ZNF426: variants seen among roughly 807,000 people sequenced by gnomAD.
ZNF426 encodes the protein CTC-543D15.7.
ZNF426 carries 23 observed loss-of-function variants against 24.0 expected under a neutral mutation model. The ratio of observed to expected loss-of-function variants is 0.96; its 90% CI spans 0.69 to 1.36. The LOEUF (loss-of-function observed/expected upper bound fraction) is 1.36. Ranked by LOEUF, ZNF426 falls within the 40% of genes most tolerant of loss-of-function variation. ZNF426 has a pLI of 0.00. For missense variants in ZNF426, 646 were observed against 658.4 expected (o/e 0.98, Z 0.21); for synonymous variants, 272 against 224.6 (o/e 1.21, Z -1.89).
At chr19:9,537,055 G>A (rs1344928855) in intron 2 of ZNF426, among the ~76,000 whole-genome samples, 3 of 151,848 alleles carry the variant, frequency 2.0e-5, no homozygotes, top group Non-Finnish European at 2.9e-5. Flanking sequence ...GCTTGATCCT[G>A]GGAAATGGAA....
Position 9,526,661 on chromosome 19 carries a change from GAAA to G in ZNF426, c.*1716_*1718del, listed in dbSNP as rs201730911. 1 of 149,382 alleles carries G rather than the reference GAAA, an allele frequency of 6.7e-6. No individual in the cohort carries two copies. The highest frequency in any genetic ancestry group is 2.1e-4 in the South Asian group (1 of 4,730). The allele number at this position is 149,382 out of a possible 1,614,324, so 9.3% of individuals were successfully genotyped here. On this transcript the variant is annotated 3_prime_UTR_variant, in exon 8 of 8. Coordinates refer to ENST00000253115, the MANE Select transcript of ZNF426 (RefSeq NM_024106.3). ...ATATAAAGGAAATACCAGATGGAAA[GAAA>G]AAAAAAGGGAAACAATGACAGAATT...
intron 2 of ZNF426, chr19:9,536,615 T>G (rs2073969655): frequency 3.7e-6 from 1 of 269,714 alleles, no homozygotes; most frequent in South Asian, 4.3e-5. Flanking sequence ...AGTACAAGTT[T>G]TGCACACACA....
intron 6 of ZNF426, among the ~76,000 whole-genome samples, chr19:9,531,458 C>A (rs1240769857): frequency 6.6e-6 from 1 of 152,054 alleles, no homozygotes; most frequent in African/African-American, 2.4e-5. Context: ...CTATTTGTTT[C>A]AAATTAAACA....
At chr19:9,535,134 C>A in intron 4 of ZNF426, 54 bp downstream of exon 4, 2 of 1,262,918 alleles carry the variant, frequency 1.6e-6, no homozygotes, top group Non-Finnish European at 2.2e-6. Context: ...GGAAATGTGT[C>A]TACCTGGTGG....
In ZNF426 at chr19:9,528,383, G is replaced by C. The variant is rs2073822374; in HGVS notation, c.1662C>G (p.His554Gln). The change falls in exon 8 of 8, where the codon CAC becomes CAG. Residue 554 changes from histidine (H) to glutamine (Q), a missense_variant. By Grantham distance (24) the His-to-Gln change is conservative. Transcript: ENST00000253115. ...PRSLRRHEQI[H>Q] is the part of the protein sequence containing the mutation. The stretch of plus-strand genomic sequence containing the variant: ...TTATTACATGGACAGTTTCTCACTA[G>C]TGAATTTGTTCATGTCTTCGAAGTG... 6.4e-7 allele frequency: 1 copy of C among 1,570,406 alleles called. No individual in the cohort carries two copies. The highest frequency in any genetic ancestry group is 1.2e-5 in the South Asian group (1 of 83,242).
rs1339339135 is a variant in ZNF426, at chr19:9,524,704, C to T, written c.*3676G>A. 2 of 138,356 alleles carry T rather than the reference C, an allele frequency of 1.4e-5. No individual in the cohort carries two copies. The highest frequency in any genetic ancestry group is 2.3e-4 in the South Asian group (1 of 4,394). The allele number at this position is 138,356 out of a possible 1,614,324, so 8.6% of individuals were successfully genotyped here. ...GCTGAGGCAGAATAATCACTTGAAC[C>T]TGGGTGATAGAGGTTGTAGTGAGCC... On this transcript the variant is annotated 3_prime_UTR_variant, in exon 8 of 8. Coordinates refer to ENST00000253115, the MANE Select transcript of ZNF426 (RefSeq NM_024106.3).
At chr19:9,536,081 A>T in intron 3 of ZNF426, 127 bp downstream of exon 3, 1 of 1,166,686 alleles carries the variant, frequency 8.6e-7, no homozygotes, top group Non-Finnish European at 1.2e-6. Flanking sequence ...ACAAGACAGC[A>T]CGTTCTGGCA....
At chr19:9,530,594 T>G (rs1290535863) in intron 7 of ZNF426, among the ~76,000 whole-genome samples, 1 of 151,440 alleles carries the variant, frequency 6.6e-6, no homozygotes, top group Non-Finnish European at 1.5e-5. Flanking sequence ...AGACCCTGTC[T>G]CCACAAAATT....
At chr19:9,533,753 C>T (rs1181714604) in intron 5 of ZNF426, 87 bp downstream of exon 5, 2 of 1,554,312 alleles carry the variant, frequency 1.3e-6, no homozygotes, top group Non-Finnish European at 1.8e-6. Flanking sequence ...TCTTTGCATT[C>T]AGAGTTGACA....
At chr19:9,537,585 C>A (rs1168326154) in intron 2 of ZNF426, among the ~76,000 whole-genome samples, 1 of 151,330 alleles carries the variant, frequency 6.6e-6, no homozygotes, top group Non-Finnish European at 1.5e-5. Context: ...CCACTGTACC[C>A]AGCCAGCTTT....
intron 7 of ZNF426, among the ~76,000 whole-genome samples, chr19:9,530,141 A>AATC (rs2144768677): frequency 6.6e-6 from 1 of 152,098 alleles, no homozygotes; most frequent in South Asian, 2.1e-4. Flanking sequence ...TAATAATAAT[A>AATC]ATAACAGATT....
At position 9,526,214 on chromosome 19, in the gene ZNF426, G is replaced by C. The variant is rs1351341353; in HGVS notation, c.*2166C>G. On this transcript the variant is annotated 3_prime_UTR_variant, in exon 8 of 8. Transcript: ENST00000253115. ...TGCTTACAGCATTTCCTCTTATCCA[G>C]TATGCCATGTCCAGCTAAGGAAAAA... The C allele has an allele frequency of 6.6e-6, 1 of 150,860 alleles. No homozygotes were observed. The highest frequency in any genetic ancestry group is 1.5e-5 in the Non-Finnish European group (1 of 67,916). The allele number at this position is 150,860 out of a possible 1,614,324, so 9.3% of individuals were successfully genotyped here. A position where few individuals can be genotyped will look rare whatever the true frequency, so the allele number is the denominator to read the frequency against.
intron 7 of ZNF426, among the ~76,000 whole-genome samples, 173 bp downstream of exon 7, chr19:9,530,812 T>G (rs964638793): frequency 6.6e-6 from 1 of 152,196 alleles, no homozygotes; most frequent in Non-Finnish European, 1.5e-5. Context: ...TGTGGGAATG[T>G]GTGAAAGCTC....
chr19:9,531,752 AG>A (rs2073887824), intron 6 of ZNF426, among the ~76,000 whole-genome samples: 1 of 152,190 alleles, frequency 6.6e-6, no homozygotes, highest in Non-Finnish European at 1.5e-5. Flanking sequence ...TGGGAGGCCG[AG>A]GCAGGCAGAT....
At chr19:9,535,005 G>A (rs1266437731) in intron 4 of ZNF426, among the ~76,000 whole-genome samples, 183 bp downstream of exon 4, 1 of 150,466 alleles carries the variant, frequency 6.6e-6, no homozygotes, top group African/African-American at 2.5e-5. Flanking sequence ...AAGAAGCCTG[G>A]AGACCGGAGC....
intron 7 of ZNF426, 99 bp downstream of exon 7, chr19:9,530,886 A>G (rs1380718865): frequency 1.5e-5 from 14 of 956,350 alleles, no homozygotes; most frequent in Middle Eastern, 4.2e-4. Flanking sequence ...TGTGTATGCA[A>G]CTTCTCTCAA....
chr19:9,524,574 G>C lies in ZNF426; in HGVS notation c.*3806C>G, dbSNP rs969499608. ...AACCAGGCAGATCACTGGAGGTCAGGAGTTCGAGACCAGCCTGATCAACAT... is the reference window on the plus strand; with the variant it reads ...AACCAGGCAGATCACTGGAGGTCAGCAGTTCGAGACCAGCCTGATCAACAT... On this transcript the variant is annotated 3_prime_UTR_variant, in exon 8 of 8. Transcript: ENST00000253115. 6.6e-6 allele frequency: 1 copy of C among 152,036 alleles called. No individual in the cohort carries two copies. 9.4% of individuals were successfully genotyped at this position (152,036 alleles called of 1,614,324 possible). A position where few individuals can be genotyped will look rare whatever the true frequency, so the allele number is the denominator to read the frequency against.
intron 4 of ZNF426, among the ~76,000 whole-genome samples, 165 bp downstream of exon 4, chr19:9,535,023 G>A (rs8113661): frequency 0.17 from 25,680 of 148,942 alleles, 3,496 homozygotes; most frequent in African/African-American, 0.38. Flanking sequence ...AGCTTGCAGT[G>A]AGCCGAGAGC....
rs766229535 is a variant in ZNF426 at position 9,531,056 on chromosome 19, G to C, written c.337C>G (p.Arg113Gly). Residue 113 changes from arginine to glycine, a missense_variant, in exon 7 of 8, where the codon CGA (arginine) becomes GGA (glycine). Transcript: ENST00000253115. ...QGGVLQGWEM[R>G]LETQWSILQQ... is the part of the protein sequence containing the mutation. ...AGTATAGACCACTGGGTTTCAAGTC[G>C]CATTTCCCATCCTGAAATAAAACAG... The C allele has an allele frequency of 1.9e-6, 3 of 1,613,518 alleles. No individual in the cohort carries two copies. Among genetic ancestry groups the C allele is most frequent in the Non-Finnish European group, 2.5e-6 (3 of 1,179,520 alleles).
Sources: gnomAD v4.1 joint callset for allele counts (sites outside exome capture counted in the v4.1 genomes callset) on GRCh38, gnomAD v4.1.1 for gene constraint, MANE v1.5 for transcripts, NCBI Gene and HGNC (gene_info 2026-07-23, HGNC 2026-07-21) for gene names.